ZNF418: variants seen among roughly 807,000 people sequenced by gnomAD.
ZNF418 encodes zinc finger protein 418.
ZNF418 carries 32 observed loss-of-function variants against 32.0 expected under a neutral mutation model. That is an observed-to-expected ratio of 1.00 (90% CI 0.75 to 1.34). The LOEUF (loss-of-function observed/expected upper bound fraction) is 1.34. ZNF418 is among the 40% of genes most tolerant of loss of function. The pLI, the probability that ZNF418 is intolerant of heterozygous loss-of-function variation, is 0.00. For missense variants in ZNF418, 804 were observed against 812.5 expected (o/e 0.99, Z 0.13); for synonymous variants, 276 against 270.7 (o/e 1.02, Z -0.19).
intron 3 of ZNF418, among the ~76,000 whole-genome samples, chr19:57,929,706 G>A (rs140178948): frequency 0.025 from 3,701 of 150,086 alleles, 70 homozygotes; most frequent in Non-Finnish European, 0.042. Context: ...TTTTTGAGAC[G>A]GAGTCTTGCT....
At position 57,933,863 on chromosome 19, in the gene ZNF418, TCAAA is replaced by T. The variant is rs755800766; in HGVS notation, c.-45_-42del. On this transcript the variant is annotated 5_prime_UTR_variant, in exon 2 of 6. It introduces an in-frame stop codon into an upstream open reading frame of the 5' UTR. Transcript: ENST00000396147. Reference sequence around the variant, plus strand: ...AACTCTGATCCTCCTTCCTCCTCCCTCAAACACAGTGTGTTCTCTTCTTTGCAGC... The same window carrying T: ...AACTCTGATCCTCCTTCCTCCTCCCTCACAGTGTGTTCTCTTCTTTGCAGC... The T allele has an allele frequency of 4.3e-6, 7 of 1,614,070 alleles. No individual in the cohort carries two copies. The highest frequency in any genetic ancestry group is 1.1e-5 in the South Asian group (1 of 91,078).
intron 4 of ZNF418, among the ~76,000 whole-genome samples, 167 bp downstream of exon 4, chr19:57,925,456 G>A (rs1003318849): frequency 1.5e-5 from 2 of 132,692 alleles, no homozygotes; most frequent in Non-Finnish European, 3.3e-5. Flanking sequence ...GCGAGACTCT[G>A]TCTCAAAAAA....
intron 2 of ZNF418, 32 bp from the exon 3 acceptor site, chr19:57,930,586 C>T (rs367852500): frequency 6.2e-7 from 1 of 1,613,414 alleles, no homozygotes; most frequent in Non-Finnish European, 8.5e-7. Flanking sequence ...AAACCACAAA[C>T]AGCTCCTATG....
At position 57,926,669 on chromosome 19, in the gene ZNF418, G is replaced by A. The variant is rs1002283430; in HGVS notation, c.1512C>T (p.His504=). The A allele has an allele frequency of 1.2e-6, 2 of 1,614,000 alleles. No individual in the cohort carries two copies. ...SSGFRVHQRV[H]TGEKPFECSE... ...TACACTCAAACGGTTTTTCTCCAGTGTGAACTCTCTGATGAACACGAAACC... is the reference window on the plus strand; with the variant it reads ...TACACTCAAACGGTTTTTCTCCAGTATGAACTCTCTGATGAACACGAAACC... Residue 504 remains histidine (H), a synonymous_variant, in exon 4 of 6, where the codon CAC becomes CAT. Transcript: ENST00000396147.
At chr19:57,925,455 T>C (rs10426653) in intron 4 of ZNF418, among the ~76,000 whole-genome samples, 168 bp downstream of exon 4, 42,803 of 148,076 alleles carry the variant, frequency 0.29, 6,274 homozygotes, top group Non-Finnish European at 0.32. Context: ...AGCGAGACTC[T>C]GTCTCAAAAA....
Position 57,926,120 on chromosome 19 carries a change from G to T in ZNF418, c.*30C>A, listed in dbSNP as rs747108620. ...CCTCTGATCAAGAAGATGCACAGAG[G>T]TTTAGCTAAAGAATTTCCCAAATTT... On this transcript the variant is annotated 3_prime_UTR_variant, in exon 4 of 6. Coordinates refer to ENST00000396147, the MANE Select transcript of ZNF418 (RefSeq NM_133460.3). 8 of 1,572,616 alleles carry T rather than the reference G, an allele frequency of 5.1e-6. No homozygotes were observed. The East Asian group carries it at 1.8e-4, about 35-fold the overall frequency.
At chr19:57,924,665 G>A (rs1413765427) in intron 4 of ZNF418, among the ~76,000 whole-genome samples, 1 of 152,088 alleles carries the variant, frequency 6.6e-6, no homozygotes, top group African/African-American at 2.4e-5. Flanking sequence ...CGAAACTCTG[G>A]ATATCAGAGC....
At chr19:57,923,949 C>A (rs1250086812) in intron 4 of ZNF418, among the ~76,000 whole-genome samples, 1 of 151,474 alleles carries the variant, frequency 6.6e-6, no homozygotes, top group East Asian at 2.0e-4. Flanking sequence ...TACAGAATGT[C>A]ATTTATTCCT....
rs921973681 is a variant in ZNF418, at chr19:57,930,620, C to T, written c.7-66G>A. 19 of 1,600,966 alleles carry T rather than the reference C, an allele frequency of 1.2e-5. No individual in the cohort carries two copies. The African/African-American group carries it at 2.3e-4, about 19-fold the overall frequency. ...TGCTGAGGTACCACAATCCACCTCT[C>T]CCACACCCCCACCCCCTTGCCCATC... On this transcript the variant is annotated intron_variant, in intron 2 of 5. Transcript: ENST00000396147.
intron 4 of ZNF418, among the ~76,000 whole-genome samples, chr19:57,924,442 C>T (rs1600160576): frequency 1.3e-5 from 2 of 152,238 alleles, no homozygotes; most frequent in South Asian, 4.2e-4. Flanking sequence ...ATATTATTTC[C>T]TTTGACAATG....
At chr19:57,933,699 C>T (rs2072572018) in intron 2 of ZNF418, 118 bp downstream of exon 2, 15 of 1,317,156 alleles carry the variant, frequency 1.1e-5, no homozygotes, top group East Asian at 4.6e-5. Flanking sequence ...CCAGCCTGGG[C>T]GATAGAGCGA....
At chr19:57,929,796 C>T (rs2072407049) in intron 3 of ZNF418, among the ~76,000 whole-genome samples, 1 of 152,056 alleles carries the variant, frequency 6.6e-6, no homozygotes. Context: ...CATTCTCCTG[C>T]CTCAGCCTCC....
Position 57,922,261 on chromosome 19 carries a change from T to C in ZNF418, c.*994A>G, listed in dbSNP as rs975647957. The C allele has an allele frequency of 3.8e-5, 9 of 235,546 alleles. No individual in the cohort carries two copies. The highest frequency in any genetic ancestry group is 7.8e-5 in the East Asian group (1 of 12,802). The allele number at this position is 235,546 out of a possible 1,614,324, so 14.6% of individuals were successfully genotyped here. A position where few individuals can be genotyped will look rare whatever the true frequency, so the allele number is the denominator to read the frequency against. ...CTGGAATTAAAGGCATGAGTCCCTG[T>C]ACATGACGAGATGGGCTTTTATTAA... On this transcript the variant is annotated 3_prime_UTR_variant, in exon 6 of 6. Coordinates refer to ENST00000396147, the MANE Select transcript of ZNF418 (RefSeq NM_133460.3).
Position 57,927,290 on chromosome 19 carries a change from A to G in ZNF418, c.891T>C (p.His297=), listed in dbSNP as rs777683628. Residue 297 remains histidine (H), a synonymous_variant, in exon 4 of 6, where the codon CAT becomes CAC. Coordinates refer to ENST00000396147, the MANE Select transcript of ZNF418 (RefSeq NM_133460.3). ...ECGECGKSFS[H]KGSLVQHQRV... ...GCTGATGCTGAACAAGGCTGCCCTTATGACTAAAAGATTTCCCACATTCTC... is the reference window on the plus strand; with the variant it reads ...GCTGATGCTGAACAAGGCTGCCCTTGTGACTAAAAGATTTCCCACATTCTC... 1.2e-6 allele frequency: 2 copies of G among 1,611,664 alleles called. No homozygotes were observed. Among genetic ancestry groups the G allele is most frequent in the Non-Finnish European group, 1.7e-6 (2 of 1,179,188 alleles).
At position 57,933,896 on chromosome 19, in the gene ZNF418, A is replaced by C. The variant is rs915679825; in HGVS notation, c.-74T>G. On this transcript the variant is annotated 5_prime_UTR_variant, in exon 2 of 6. Coordinates refer to ENST00000396147, the MANE Select transcript of ZNF418 (RefSeq NM_133460.3). Reference sequence around the variant, plus strand: ...AGTGTGTTCTCTTCTTTGCAGCCAGATGATGCCTGCAGACAAATGGGACTG... The same window carrying C: ...AGTGTGTTCTCTTCTTTGCAGCCAGCTGATGCCTGCAGACAAATGGGACTG... 4.3e-6 allele frequency: 7 copies of C among 1,613,262 alleles called. No homozygotes were observed. In the Admixed American group the frequency reaches 5.0e-5, roughly 12 times the overall value.
chr19:57,925,989 G>A lies in ZNF418; in HGVS notation c.*161C>T. ...GCTTTCTCACATTCATCGCACTCAAGAGGCCCTTCTGCAGTGGGAGCTCTT... is the reference window on the plus strand; with the variant it reads ...GCTTTCTCACATTCATCGCACTCAAAAGGCCCTTCTGCAGTGGGAGCTCTT... On this transcript the variant is annotated 3_prime_UTR_variant, in exon 4 of 6. Coordinates refer to ENST00000396147, the MANE Select transcript of ZNF418 (RefSeq NM_133460.3). 1 of 618,198 alleles carries A rather than the reference G, an allele frequency of 1.6e-6. No homozygotes were observed. Among genetic ancestry groups the A allele is most frequent in the Non-Finnish European group, 2.8e-6 (1 of 355,724 alleles). 38.3% of individuals were successfully genotyped at this position (618,198 alleles called of 1,614,324 possible).
At chr19:57,932,583 A>G in intron 2 of ZNF418, 3 of 1,525,730 alleles carry the variant, frequency 2.0e-6, no homozygotes, top group Non-Finnish European at 2.6e-6. Flanking sequence ...CCCCTCTACA[A>G]TGACGACTTT....
intron 3 of ZNF418, among the ~76,000 whole-genome samples, chr19:57,930,095 AG>A (rs1333303919): frequency 6.6e-6 from 1 of 152,344 alleles, no homozygotes; most frequent in East Asian, 1.9e-4. Flanking sequence ...AGCTAAAGGA[AG>A]GAAGTAGAAC....
rs2072286172 is a variant in ZNF418, at chr19:57,927,402, C to A, written c.779G>T (p.Cys260Phe). 3 of 1,614,244 alleles carry A rather than the reference C, an allele frequency of 1.9e-6. No individual in the cohort carries two copies. Among genetic ancestry groups the A allele is most frequent in the Non-Finnish European group, 2.5e-6 (3 of 1,180,054 alleles). ...ACTAAAAGATTTCCCACATTCTCCA[C>A]ATTCATAAGGTCTTTTCCCAGTGTG... is the stretch of plus-strand genomic sequence containing the variant. ...RVHTGKRPYE[C>F]GECGKSFSHK... The change falls in exon 4 of 6, where the codon TGT (cysteine) becomes TTT (phenylalanine). Residue 260 changes from cysteine (C) to phenylalanine (F), a missense_variant. By Grantham distance (205) the Cys-to-Phe change is radical (BLOSUM62 -2). Coordinates refer to ENST00000396147, the MANE Select transcript of ZNF418 (RefSeq NM_133460.3).
Sources: gnomAD v4.1 joint callset for allele counts (sites outside exome capture counted in the v4.1 genomes callset) on GRCh38, gnomAD v4.1.1 for gene constraint, MANE v1.5 for transcripts, NCBI Gene and HGNC (gene_info 2026-07-23, HGNC 2026-07-21) for gene names.